The following CAMKK1 variants were observed in gnomAD, a reference collection of about 807,000 sequenced individuals.
The protein encoded by CAMKK1 is calcium/calmodulin-dependent protein kinase kinase 1.
In CAMKK1, 20 loss-of-function variants were observed where a neutral mutation model predicts 63.5. That is an observed-to-expected ratio of 0.32 (90% CI 0.22 to 0.46). The LOEUF is 0.46. CAMKK1 is among the 20% of genes least tolerant of loss of function. CAMKK1 has a pLI of 1.00. For synonymous variants in CAMKK1, 253 were observed against 269.0 expected, an observed-to-expected ratio of 0.94 and a Z score of 0.58; for missense variants, 588 against 658.1, an observed-to-expected ratio of 0.89 and a Z score of 1.17.
rs182001078 is a variant in CAMKK1 at position 3,871,455 on chromosome 17, C to T, written c.1124+1099G>A. ...CTGAAACCTCTGCCTCCCGGGTTCACGCCGTTCTCCTGCCTCAGCCTCTCG... is the reference window on the plus strand; with the variant it reads ...CTGAAACCTCTGCCTCCCGGGTTCATGCCGTTCTCCTGCCTCAGCCTCTCG... On this transcript the variant is annotated intron_variant, in intron 12 of 15. Transcript: ENST00000348335. Among the ~76,000 whole-genome samples the T allele has an allele frequency of 2.5e-3, 362 of 145,864 alleles. 5 individuals are homozygous for T. Among genetic ancestry groups the T allele is most frequent in the African/African-American group, 8.4e-3 (333 of 39,700 alleles).
chr17:3,891,457 TGAAG>T (rs1368884148), intron 1 of CAMKK1, among the ~76,000 whole-genome samples: 1 of 152,088 alleles, frequency 6.6e-6, no homozygotes, highest in Non-Finnish European at 1.5e-5. Flanking sequence ...AGCAGACACC[TGAAG>T]GAAGGAAGGG....
At position 3,883,675 on chromosome 17, in the gene CAMKK1, AG is replaced by A. The variant is rs1335251168; in HGVS notation, c.463-196del. ...AGCCCTTCCCCTTATTCCCCCAGCA[AG>A]CCTTTCTGGAGCTTTCCCCTCAGAG... On this transcript the variant is annotated intron_variant, in intron 4 of 15. Coordinates refer to ENST00000348335, the MANE Select transcript of CAMKK1 (RefSeq NM_032294.3). This position sits in a 1 kb window ranked among gnomAD's most constrained non-coding sequence, Gnocchi z 4.7. Among the ~76,000 whole-genome samples, 1 of 152,012 alleles carries A rather than the reference AG, an allele frequency of 6.6e-6. No homozygotes were observed. The highest frequency in any genetic ancestry group is 1.5e-5 in the Non-Finnish European group (1 of 67,970).
At position 3,876,214 on chromosome 17, in the gene CAMKK1, G is replaced by A. The variant is rs185443583; in HGVS notation, c.996+9C>T. On this transcript the variant is annotated intron_variant, in intron 10 of 15. Transcript: ENST00000348335. ...TGAACCCCAGCCTGGCCCAGGGCCTGCGAGTCACCTTCCCACTGAAGCTCT... is the reference window on the plus strand; with the variant it reads ...TGAACCCCAGCCTGGCCCAGGGCCTACGAGTCACCTTCCCACTGAAGCTCT... 4 of 1,612,988 alleles carry A rather than the reference G, an allele frequency of 2.5e-6. No homozygotes were observed. Among genetic ancestry groups the A allele is most frequent in the Admixed American group, 1.7e-5 (1 of 59,978 alleles).
chr17:3,871,362 T>TTG (rs2054856467), intron 12 of CAMKK1, among the ~76,000 whole-genome samples: 1 of 121,346 alleles, frequency 8.2e-6, no homozygotes, highest in Non-Finnish European at 1.7e-5. Context: ...TTTTTTTTTT[T>TTG]TTTTTTTTTT....
In CAMKK1 at chr17:3,885,679, C is replaced by A. The variant is rs759435742; in HGVS notation, c.9G>T (p.Gly3=). 2.8e-4 allele frequency: 449 copies of A among 1,612,750 alleles called. 2 individuals are homozygous for A. The highest frequency in any genetic ancestry group is 1.6e-4 in the Non-Finnish European group (183 of 1,180,006). Residue 3 remains glycine, a synonymous_variant, in exon 2 of 16, where the codon GGG becomes GGT. Coordinates refer to ENST00000348335, the MANE Select transcript of CAMKK1 (RefSeq NM_032294.3). ...GATCCTGGCAGCAGACAGCTGGACC[C>A]CCCTCCATTGCTTCAGTCAAGGGGG... is the stretch of plus-strand genomic sequence containing the variant. The part of the protein sequence containing the change: ME[G]GPAVCCQDPR...
intron 10 of CAMKK1, among the ~76,000 whole-genome samples, chr17:3,874,175 G>C (rs891301010): frequency 1.3e-5 from 2 of 152,094 alleles, no homozygotes; most frequent in Admixed American, 1.3e-4. Flanking sequence ...CAAAATAACA[G>C]GCTGGTTGTC....
At chr17:3,876,125 C>A in intron 10 of CAMKK1, 98 bp downstream of exon 10, 1 of 1,182,312 alleles carries the variant, frequency 8.5e-7, no homozygotes, top group South Asian at 1.5e-5. Flanking sequence ...TCCCTAGACA[C>A]AAAGACCCTG....
Position 3,862,450 on chromosome 17 carries a change from G to A in CAMKK1, c.1446-167C>T, listed in dbSNP as rs2143767609. ...CTGGCCTCCCTACATCACGGCAGTTGCTCCTTGCCGGTCTCTCAGCCCCCA... is the reference window on the plus strand; with the variant it reads ...CTGGCCTCCCTACATCACGGCAGTTACTCCTTGCCGGTCTCTCAGCCCCCA... On this transcript the variant is annotated intron_variant, in intron 15 of 15. Transcript: ENST00000348335. This position sits in a 1 kb window ranked among gnomAD's most constrained non-coding sequence, Gnocchi z 4.1. Among the ~76,000 whole-genome samples, 1 of 152,164 alleles carries A rather than the reference G, an allele frequency of 6.6e-6. No individual in the cohort carries two copies. Among genetic ancestry groups the A allele is most frequent in the South Asian group, 2.1e-4 (1 of 4,818 alleles).
At position 3,882,508 on chromosome 17, in the gene CAMKK1, G is replaced by C; in HGVS notation, c.685+20C>G. The C allele has an allele frequency of 3.8e-6, 6 of 1,596,708 alleles. No homozygotes were observed. In the South Asian group the frequency reaches 6.7e-5, roughly 18 times the overall value. ...GCCAGCCCTGAGTGAGCTGCTGTGG[G>C]AATGAGCCAGGTCACTCACCCAAAT... On this transcript the variant is annotated intron_variant, in intron 7 of 15. Coordinates refer to ENST00000348335, the MANE Select transcript of CAMKK1 (RefSeq NM_032294.3). This position sits in a 1 kb window ranked among gnomAD's most constrained non-coding sequence, Gnocchi z 4.3.
chr17:3,880,047 G>A (rs967696767), intron 9 of CAMKK1: 10 of 382,696 alleles, frequency 2.6e-5, no homozygotes, highest in Admixed American at 1.3e-4. Flanking sequence ...TTGAAGCCCC[G>A]TGGCAACGCT....
chr17:3,880,018 C>T lies in CAMKK1; in HGVS notation c.796+328G>A, dbSNP rs180885343. Reference sequence around the variant, plus strand: ...CTCTCCCCAGCAGCTGGACATAAATCCCTTCCTTCCCACATCTCTTGAAGC... The same window carrying T: ...CTCTCCCCAGCAGCTGGACATAAATTCCTTCCTTCCCACATCTCTTGAAGC... On this transcript the variant is annotated intron_variant, in intron 9 of 15. Coordinates refer to ENST00000348335, the MANE Select transcript of CAMKK1 (RefSeq NM_032294.3). 129 of 334,700 alleles carry T rather than the reference C, an allele frequency of 3.9e-4. 1 individual carries two copies. Among genetic ancestry groups the T allele is most frequent in the South Asian group, 1.3e-3 (37 of 27,416 alleles). The allele number at this position is 334,700 out of a possible 1,614,324, so 20.7% of individuals were successfully genotyped here.
At position 3,862,414 on chromosome 17, in the gene CAMKK1, TTGGCCTCCCTC is replaced by T. The variant is rs1387608140; in HGVS notation, c.1446-142_1446-132del. Reference sequence around the variant, plus strand: ...GCCCCCTTCACCCACTGCCCCAAGCTTGGCCTCCCTCTGGCCTCCCTACATCACGGCAGTTG... The same window carrying T: ...GCCCCCTTCACCCACTGCCCCAAGCTTGGCCTCCCTACATCACGGCAGTTG... On this transcript the variant is annotated intron_variant, in intron 15 of 15. Coordinates refer to ENST00000348335, the MANE Select transcript of CAMKK1 (RefSeq NM_032294.3). The surrounding 1 kb of genome is among the most constrained non-coding windows in gnomAD (Gnocchi z 4.1). 22 of 780,336 alleles carry T rather than the reference TTGGCCTCCCTC, an allele frequency of 2.8e-5. No homozygotes were observed. The highest frequency in any genetic ancestry group is 4.6e-4 in the Middle Eastern group (2 of 4,308). The allele number at this position is 780,336 out of a possible 1,614,324, so 48.3% of individuals were successfully genotyped here. A position where few individuals can be genotyped will look rare whatever the true frequency, so the allele number is the denominator to read the frequency against.
rs1453266154 is a variant in CAMKK1, at chr17:3,884,587, C to T, written c.361-160G>A. Among the ~76,000 whole-genome samples, 4 of 152,200 alleles carry T rather than the reference C, an allele frequency of 2.6e-5. No homozygotes were observed. Among genetic ancestry groups the T allele is most frequent in the Admixed American group, 6.5e-5 (1 of 15,286 alleles). ...GTTTGGATGGGGAAGTTGGTGGTGC[C>T]ATCGCCCCCGTATGTGACGAGAAGA... On this transcript the variant is annotated intron_variant, in intron 2 of 15. Coordinates refer to ENST00000348335, the MANE Select transcript of CAMKK1 (RefSeq NM_032294.3). This position sits in a 1 kb window ranked among gnomAD's most constrained non-coding sequence, Gnocchi z 4.5.
chr17:3,891,637 G>A (rs1365570349), intron 1 of CAMKK1, among the ~76,000 whole-genome samples: 2 of 152,194 alleles, frequency 1.3e-5, no homozygotes, highest in Non-Finnish European at 2.9e-5. Context: ...AGCAAGAGGA[G>A]TTACATCTGG....
chr17:3,886,079 G>C (rs1372815754), intron 1 of CAMKK1, among the ~76,000 whole-genome samples: 1 of 152,250 alleles, frequency 6.6e-6, no homozygotes, highest in African/African-American at 2.4e-5. Flanking sequence ...CCCAGGGTCA[G>C]CTCAGCCCCA....
chr17:3,886,726 G>A (rs986169495), intron 1 of CAMKK1, among the ~76,000 whole-genome samples: 1 of 152,076 alleles, frequency 6.6e-6, no homozygotes, highest in Non-Finnish European at 1.5e-5. Flanking sequence ...ACTGTGTGGC[G>A]GCTGAAACAT....
At position 3,882,632 on chromosome 17, in the gene CAMKK1, T is replaced by C; in HGVS notation, c.649-68A>G. 2 of 1,444,684 alleles carry C rather than the reference T, an allele frequency of 1.4e-6. No homozygotes were observed. The highest frequency in any genetic ancestry group is 1.9e-6 in the Non-Finnish European group (2 of 1,049,454). 89.5% of individuals were successfully genotyped at this position (1,444,684 alleles called of 1,614,324 possible). A position where few individuals can be genotyped will look rare whatever the true frequency, so the allele number is the denominator to read the frequency against. ...GTGGGGTTGGAGGTCCCAGGCCTCC[T>C]GGTCCTTGCCAGCCCCAGAACCCTT... is the stretch of plus-strand genomic sequence containing the variant. On this transcript the variant is annotated intron_variant, in intron 6 of 15. Transcript: ENST00000348335. This position sits in a 1 kb window ranked among gnomAD's most constrained non-coding sequence, Gnocchi z 4.3.
intron 12 of CAMKK1, among the ~76,000 whole-genome samples, chr17:3,870,526 C>A (rs1420525409): frequency 6.6e-6 from 1 of 152,076 alleles, no homozygotes; most frequent in Non-Finnish European, 1.5e-5. Flanking sequence ...CCACCGTGCC[C>A]GGCTAATTTT....
In CAMKK1 at chr17:3,882,479, T is replaced by C. The variant is rs371825243; in HGVS notation, c.685+49A>G. 11 of 1,601,676 alleles carry C rather than the reference T, an allele frequency of 6.9e-6. No homozygotes were observed. The highest frequency in any genetic ancestry group is 9.4e-6 in the Non-Finnish European group (11 of 1,172,624). The stretch of plus-strand genomic sequence containing the variant: ...GGTCATACATGTCCCAAGGGAGCCC[T>C]TGGGCCAGCCCTGAGTGAGCTGCTG... On this transcript the variant is annotated intron_variant, in intron 7 of 15. Coordinates refer to ENST00000348335, the MANE Select transcript of CAMKK1 (RefSeq NM_032294.3). This position sits in a 1 kb window ranked among gnomAD's most constrained non-coding sequence, Gnocchi z 4.3.
Sources: gnomAD v4.1 joint callset for allele counts (sites outside exome capture counted in the v4.1 genomes callset) on GRCh38, gnomAD v4.1.1 for gene constraint, Gnocchi (gnomAD v3.1) non-coding constraint, MANE v1.5 for transcripts, NCBI Gene and HGNC (gene_info 2026-07-23, HGNC 2026-07-21) for gene names.